DISC1: variants seen among roughly 807,000 people sequenced by gnomAD.
The protein encoded by DISC1 is DISC1 scaffold protein, also known as disrupted in schizophrenia 1 protein.
In DISC1, 57 loss-of-function variants were observed where a neutral mutation model predicts 84.5. The ratio of observed to expected loss-of-function variants is 0.67; its 90% CI spans 0.55 to 0.84. The LOEUF (loss-of-function observed/expected upper bound fraction) is 0.84. Among genes scored for constraint, DISC1 ranks in the 40% least tolerant of loss-of-function variants. DISC1 has a pLI of 0.00. For synonymous variants in DISC1, 411 were observed against 415.2 expected, an observed-to-expected ratio of 0.99 and a Z score of 0.12; for missense variants, 1,000 against 1,057.8, an observed-to-expected ratio of 0.95 and a Z score of 0.76.
chr1:231,691,833 T>C (rs1227501301), intron 1 of DISC1, among the ~76,000 whole-genome samples: 1 of 152,212 alleles, frequency 6.6e-6, no homozygotes, highest in Non-Finnish European at 1.5e-5. Flanking sequence ...GGCCACCCTG[T>C]TCCGACTGCT....
At chr1:231,723,097 A>G in intron 3 of DISC1, 1 of 1,003,738 alleles carries the variant, frequency 1.0e-6, no homozygotes, top group Non-Finnish European at 1.2e-6. Context: ...ACGCCTGTGG[A>G]TACAGAAATC....
intron 9 of DISC1, among the ~76,000 whole-genome samples, chr1:231,948,554 T>G (rs879049371): frequency 6.6e-6 from 1 of 151,944 alleles, no homozygotes; most frequent in Non-Finnish European, 1.5e-5. Flanking sequence ...TGTATATCTA[T>G]GTAACAAAAC....
At chr1:231,901,318 G>A (rs976460506) in intron 9 of DISC1, among the ~76,000 whole-genome samples, 3 of 152,142 alleles carry the variant, frequency 2.0e-5, no homozygotes, top group African/African-American at 7.2e-5. Context: ...ATTTAGAAAC[G>A]AAAATTGAGT....
chr1:231,793,843 A>G (rs142635076), intron 6 of DISC1, among the ~76,000 whole-genome samples: 1,640 of 152,334 alleles, frequency 0.011, 14 homozygotes, highest in Middle Eastern at 0.031. Flanking sequence ...TTTCAAACAT[A>G]TTTAAAAATA....
intron 10 of DISC1, among the ~76,000 whole-genome samples, chr1:231,974,035 A>G (rs546060732): frequency 6.6e-6 from 1 of 151,826 alleles, no homozygotes; most frequent in South Asian, 2.1e-4. Flanking sequence ...GTACATGTTT[A>G]TGTTTGCAAC....
chr1:232,021,371 CACA>C (rs1319930975), intron 11 of DISC1, among the ~76,000 whole-genome samples: 1 of 139,866 alleles, frequency 7.1e-6, no homozygotes, highest in Non-Finnish European at 1.6e-5. Context: ...CACACACACA[CACA>C]ACCCTCAGAA....
chr1:231,810,895 G>C (rs1444298431), intron 8 of DISC1, among the ~76,000 whole-genome samples: 1 of 152,186 alleles, frequency 6.6e-6, no homozygotes, highest in African/African-American at 2.4e-5. Flanking sequence ...CTTCCAGCAG[G>C]TCTGATTTAG....
Position 231,753,124 on chromosome 1 carries a change from C to T in DISC1, c.1268+3048C>T, listed in dbSNP as rs573014982. 9.8e-5 allele frequency among the ~76,000 whole-genome samples: 15 copies of T among 152,336 alleles called. No homozygotes were observed. The East Asian group carries it at 2.9e-3, about 29-fold the overall frequency. On this transcript the variant is annotated intron_variant, in intron 4 of 12. Transcript: ENST00000439617. ...TATTCCAGGGTCTGCAGGATGGTGGCCCCCTTCTCACAGCTCCACTAGGCA... is the reference window on the plus strand; with the variant it reads ...TATTCCAGGGTCTGCAGGATGGTGGTCCCCTTCTCACAGCTCCACTAGGCA...
chr1:231,848,421 T>C (rs1329419506), intron 9 of DISC1, among the ~76,000 whole-genome samples: 2 of 152,054 alleles, frequency 1.3e-5, no homozygotes, highest in Non-Finnish European at 2.9e-5. Context: ...TCCTCTAGGG[T>C]GGTGCTTCTC....
chr1:231,855,272 C>T (rs200681569), intron 9 of DISC1: 3 of 956,238 alleles, frequency 3.1e-6, no homozygotes, highest in Non-Finnish European at 3.7e-6. Flanking sequence ...TCATAAATAA[C>T]TTTCTATATA....
At chr1:231,909,418 A>T (rs1360475512) in intron 9 of DISC1, among the ~76,000 whole-genome samples, 1 of 152,184 alleles carries the variant, frequency 6.6e-6, no homozygotes, top group African/African-American at 2.4e-5. Flanking sequence ...TTCTGCATCT[A>T]TTGAGATAAT....
chr1:231,921,117 T>C (rs2089976219), intron 9 of DISC1, among the ~76,000 whole-genome samples: 1 of 151,756 alleles, frequency 6.6e-6, no homozygotes, highest in Non-Finnish European at 1.5e-5. Context: ...GGTTTCACCA[T>C]GTGGGCCAGG....
intron 9 of DISC1, among the ~76,000 whole-genome samples, chr1:231,837,865 T>C (rs2082734888): frequency 6.6e-6 from 1 of 152,192 alleles, no homozygotes; most frequent in African/African-American, 2.4e-5. Context: ...TAGTTCCTAA[T>C]CTGGTTTGGG....
intron 8 of DISC1, among the ~76,000 whole-genome samples, chr1:231,807,694 C>T (rs2079853499): frequency 6.6e-6 from 1 of 152,182 alleles, no homozygotes; most frequent in Non-Finnish European, 1.5e-5. Flanking sequence ...CTTCTGGATG[C>T]TGGAAGCCAG....
chr1:231,919,894 T>C (rs1264577443), intron 9 of DISC1, among the ~76,000 whole-genome samples: 1 of 152,230 alleles, frequency 6.6e-6, no homozygotes, highest in Non-Finnish European at 1.5e-5. Context: ...TTGCAGTCAG[T>C]GGCTTAAATT....
chr1:232,017,791 A>G (rs1668620828), intron 11 of DISC1, among the ~76,000 whole-genome samples: 1 of 152,194 alleles, frequency 6.6e-6, no homozygotes, highest in Non-Finnish European at 1.5e-5. Flanking sequence ...CTAAAGGGTA[A>G]CTGCCTGTTT....
intron 9 of DISC1, among the ~76,000 whole-genome samples, chr1:231,877,586 C>T (rs951687390): frequency 3.9e-5 from 6 of 152,306 alleles, no homozygotes; most frequent in South Asian, 4.1e-4. Context: ...CAGCTTTCAA[C>T]GCAATACTTG....
intron 10 of DISC1, among the ~76,000 whole-genome samples, chr1:231,976,124 G>T (rs1662760767): frequency 6.6e-6 from 1 of 152,180 alleles, no homozygotes; most frequent in Admixed American, 6.5e-5. Context: ...TTCTCACCAG[G>T]ACAGGTGCCA....
At chr1:231,925,921 T>C (rs1483480138) in intron 9 of DISC1, 3 of 152,200 alleles carry the variant, frequency 2.0e-5, no homozygotes, top group Non-Finnish European at 1.5e-5. Context: ...ACCTTGACTT[T>C]GGATTTCTGG....
Sources: gnomAD v4.1 joint callset for allele counts (sites outside exome capture counted in the v4.1 genomes callset) on GRCh38, gnomAD v4.1.1 for gene constraint, MANE v1.5 for transcripts, NCBI Gene and HGNC (gene_info 2026-07-23, HGNC 2026-07-21) for gene names.